Variants in DHRS3 observed in about 807,000 individuals in gnomAD.
DHRS3 encodes the protein short-chain dehydrogenase/reductase 3.
In DHRS3, 14 loss-of-function variants were observed where a neutral mutation model predicts 27.2. The observed-to-expected ratio is 0.52, with a 90% confidence interval of 0.34 to 0.81. The LOEUF is 0.81. DHRS3 is among the 30% of genes least tolerant of loss of function. The pLI is 0.01. For synonymous variants in DHRS3, 165 were observed against 175.9 expected (o/e 0.94, Z 0.49); for missense variants, 322 against 406.2 (o/e 0.79, Z 1.78).
chr1:12,588,116 C>T lies in DHRS3; in HGVS notation c.196-7450G>A, dbSNP rs12045048. ...TTCTCCTGTGTCCCTACCTGGTGCC[C>T]GGCCCGGGCTGTTTTTCTCTGTTTC... On this transcript the variant is annotated intron_variant, in intron 1 of 5. Transcript: ENST00000616661. Among the ~76,000 whole-genome samples the T allele has an allele frequency of 0.017, 2,513 of 152,294 alleles. 95 individuals are homozygous for T. The East Asian group carries it at 0.18, about 11-fold the overall frequency.
chr1:12,616,703 T>C (rs1429738870), intron 1 of DHRS3: 2 of 1,000,506 alleles, frequency 2.0e-6, no homozygotes, highest in East Asian at 1.1e-4. Flanking sequence ...GCCGCCCAGG[T>C]TGGGGCTGGG....
Position 12,592,508 on chromosome 1 carries a change from C to G in DHRS3, c.196-11842G>C, listed in dbSNP as rs80025746. ...GGCAGTGAGGCGGCCACAAGCCACG[C>G]GATGCCAGGAGCTGCCAAGAGCCAC... is the stretch of plus-strand genomic sequence containing the variant. On this transcript the variant is annotated intron_variant, in intron 1 of 5. Coordinates refer to ENST00000616661, the MANE Select transcript of DHRS3 (RefSeq NM_004753.7). This position sits in a 1 kb window ranked among gnomAD's most constrained non-coding sequence, Gnocchi z 4.2. Among the ~76,000 whole-genome samples, 2 of 152,254 alleles carry G rather than the reference C, an allele frequency of 1.3e-5. No homozygotes were observed. The highest frequency in any genetic ancestry group is 3.9e-4 in the East Asian group (2 of 5,184).
intron 4 of DHRS3, among the ~76,000 whole-genome samples, chr1:12,577,031 T>C (rs1343020142): frequency 6.6e-6 from 1 of 151,920 alleles, no homozygotes; most frequent in East Asian, 1.9e-4. Flanking sequence ...AACTAAGGCG[T>C]AATGAGTGAC....
At chr1:12,573,002 A>C in intron 4 of DHRS3, 149 bp from the exon 5 acceptor site, 1 of 1,018,360 alleles carries the variant, frequency 9.8e-7, no homozygotes, top group South Asian at 1.9e-5. Flanking sequence ...TCTACCCCAC[A>C]CCCATCCAGG....
intron 1 of DHRS3, among the ~76,000 whole-genome samples, chr1:12,601,176 C>T (rs548888571): frequency 6.6e-6 from 1 of 152,048 alleles, no homozygotes; most frequent in Non-Finnish European, 1.5e-5. Flanking sequence ...TTGTATCCCC[C>T]CATCTGCCCT....
chr1:12,596,241 C>G (rs889901728), intron 1 of DHRS3: 1 of 152,298 alleles, frequency 6.6e-6, no homozygotes, highest in Non-Finnish European at 1.5e-5. Flanking sequence ...CCTCGAGCAC[C>G]CCTGGGGGCT....
chr1:12,579,076 G>T (rs577392099), intron 3 of DHRS3, 120 bp from the exon 4 acceptor site: 167 of 1,246,220 alleles, frequency 1.3e-4, no homozygotes, highest in Non-Finnish European at 1.8e-4. Flanking sequence ...GAGCCTTCCT[G>T]CGAGGGAGAG....
At chr1:12,589,351 A>C (rs1197320005) in intron 1 of DHRS3, among the ~76,000 whole-genome samples, 1 of 151,912 alleles carries the variant, frequency 6.6e-6, no homozygotes, top group African/African-American at 2.4e-5. Context: ...CTATGAATTA[A>C]GGTTTAAAAC....
At chr1:12,570,036 G>A (rs1646522229) in intron 5 of DHRS3, 1 of 152,176 alleles carries the variant, frequency 6.6e-6, no homozygotes, top group African/African-American at 2.4e-5. Context: ...GCTCCTTGTC[G>A]AGGGGAGTGC....
intron 1 of DHRS3, among the ~76,000 whole-genome samples, chr1:12,596,828 G>A (rs994154685): frequency 2.0e-5 from 3 of 152,100 alleles, no homozygotes; most frequent in African/African-American, 7.2e-5. Flanking sequence ...CCGGTCAGAA[G>A]CCTCAGGTGC....
In DHRS3 at chr1:12,586,709, G is replaced by A. The variant is rs1646699554; in HGVS notation, c.196-6043C>T. On this transcript the variant is annotated intron_variant, in intron 1 of 5. Transcript: ENST00000616661. The surrounding 1 kb of genome is among the most constrained non-coding windows in gnomAD (Gnocchi z 5.0). The stretch of plus-strand genomic sequence containing the variant: ...AAAGATAAGGAAACTGCAGTTCAGA[G>A]AGGCTAAGCAACTCGTCTGAGGTCA... Among the ~76,000 whole-genome samples the A allele has an allele frequency of 6.6e-6, 1 of 152,218 alleles. No individual in the cohort carries two copies. Among genetic ancestry groups the A allele is most frequent in the Non-Finnish European group, 1.5e-5 (1 of 68,050 alleles).
chr1:12,600,351 C>T (rs915156497), intron 1 of DHRS3: 1 of 985,408 alleles, frequency 1.0e-6, no homozygotes, highest in Non-Finnish European at 1.2e-6. Flanking sequence ...TGTGCCCAGT[C>T]CACACTGACC....
chr1:12,606,654 T>A lies in DHRS3; in HGVS notation c.195+10500A>T, dbSNP rs187544945. On this transcript the variant is annotated intron_variant, in intron 1 of 5. Coordinates refer to ENST00000616661, the MANE Select transcript of DHRS3 (RefSeq NM_004753.7). The stretch of plus-strand genomic sequence containing the variant: ...ACAGGCATGTGCCACCATGCCAAGC[T>A]AATTTTTTTTTTTTGTATTTTTAGT... Among the ~76,000 whole-genome samples the A allele has an allele frequency of 4.0e-3, 602 of 151,470 alleles. 3 individuals carry two copies. Among genetic ancestry groups the A allele is most frequent in the African/African-American group, 0.014 (580 of 40,984 alleles).
chr1:12,571,630 C>T (rs914568041), intron 5 of DHRS3, among the ~76,000 whole-genome samples: 5 of 150,506 alleles, frequency 3.3e-5, no homozygotes, highest in African/African-American at 4.9e-5. Flanking sequence ...TCCTGGGTTC[C>T]GGCAATTTTC....
intron 1 of DHRS3, among the ~76,000 whole-genome samples, chr1:12,606,561 C>G (rs926765040): frequency 6.6e-6 from 1 of 152,062 alleles, no homozygotes; most frequent in African/African-American, 2.4e-5. Context: ...GTGATCTTGG[C>G]TCACGGCAAC....
Position 12,580,631 on chromosome 1 carries a change from C to T in DHRS3, c.231G>A (p.Lys77=). The T allele has an allele frequency of 1.2e-6, 2 of 1,614,074 alleles. No homozygotes were observed. The highest frequency in any genetic ancestry group is 1.7e-6 in the Non-Finnish European group (2 of 1,180,024). The change falls in exon 2 of 6, where the codon AAG becomes AAA. Residue 77 remains lysine (K), a synonymous_variant. Transcript: ENST00000616661. ...VLWGRTEKCL[K]ETTEEIRQMG... is the part of the protein sequence containing the mutation. ...TCTGCCGGATCTCCTCCGTCGTCTC[C>T]TTCAGGCATTTCTCAGTCCGGCCCC... is the stretch of plus-strand genomic sequence containing the variant.
intron 5 of DHRS3, among the ~76,000 whole-genome samples, chr1:12,570,225 C>T (rs1646523866): frequency 6.6e-6 from 1 of 152,206 alleles, no homozygotes; most frequent in Non-Finnish European, 1.5e-5. Flanking sequence ...GCGTCCTGGG[C>T]TCACCTTCAG....
chr1:12,581,687 C>T (rs1237064239), intron 1 of DHRS3, among the ~76,000 whole-genome samples: 3 of 152,294 alleles, frequency 2.0e-5, no homozygotes, highest in Admixed American at 2.0e-4. Flanking sequence ...CGACGCACCT[C>T]CCCACGATGT....
At chr1:12,588,999 C>T (rs1000136074) in intron 1 of DHRS3, among the ~76,000 whole-genome samples, 8 of 152,182 alleles carry the variant, frequency 5.3e-5, no homozygotes, top group Non-Finnish European at 1.0e-4. Flanking sequence ...GCAGGCTGGG[C>T]GGTGGGGTGG....
Sources: allele counts gnomAD v4.1 joint callset (sites outside exome capture counted in the v4.1 genomes callset), GRCh38; gene constraint gnomAD v4.1.1; non-coding constraint Gnocchi (gnomAD v3.1); transcripts MANE v1.5; gene names NCBI Gene and HGNC (gene_info 2026-07-23, HGNC 2026-07-21).